Variants in ABLIM3 observed in about 807,000 individuals in gnomAD.
The protein encoded by ABLIM3 is actin binding LIM protein family member 3.
ABLIM3 carries 61 observed loss-of-function variants against 109.5 expected under a neutral mutation model. The ratio of observed to expected loss-of-function variants is 0.56; its 90% CI spans 0.45 to 0.69. ABLIM3 has a LOEUF of 0.69. Ranked by LOEUF, ABLIM3 falls within the 30% of genes least tolerant of loss-of-function variation. ABLIM3 has a pLI of 0.00. For synonymous variants in ABLIM3, 300 were observed against 324.8 expected (o/e 0.92, Z 0.82); for missense variants, 796 against 889.5 (o/e 0.89, Z 1.34).
intron 2 of ABLIM3, among the ~76,000 whole-genome samples, chr5:149,155,973 C>T (rs563097587): frequency 9.8e-5 from 15 of 152,362 alleles, no homozygotes; most frequent in Admixed American, 2.6e-4. Context: ...GCAACACATA[C>T]CTCATGCATC....
At chr5:149,173,865 C>CA (rs1159836811) in intron 2 of ABLIM3, among the ~76,000 whole-genome samples, 5 of 151,730 alleles carry the variant, frequency 3.3e-5, no homozygotes, top group Non-Finnish European at 5.9e-5. Flanking sequence ...AATAAAAATA[C>CA]AAAAAAATTA....
intron 7 of ABLIM3, among the ~76,000 whole-genome samples, chr5:149,215,409 T>A (rs1759969685): frequency 1.3e-5 from 2 of 151,994 alleles, no homozygotes; most frequent in Non-Finnish European, 1.5e-5. Flanking sequence ...TATTGGAGAT[T>A]TTTTTCTTTT....
At chr5:149,214,957 G>C (rs750897952) in intron 7 of ABLIM3, among the ~76,000 whole-genome samples, 6 of 152,246 alleles carry the variant, frequency 3.9e-5, no homozygotes, top group African/African-American at 1.4e-4. Context: ...ATTTCAGTTC[G>C]TTAATAGACA....
At chr5:149,184,621 G>T (rs569575694) in intron 3 of ABLIM3, among the ~76,000 whole-genome samples, 1 of 152,166 alleles carries the variant, frequency 6.6e-6, no homozygotes, top group Non-Finnish European at 1.5e-5. Context: ...ACAGATCACA[G>T]TTTTCAAGGT....
chr5:149,226,836 C>T (rs781041184), intron 8 of ABLIM3, among the ~76,000 whole-genome samples: 9 of 151,948 alleles, frequency 5.9e-5, no homozygotes, highest in Non-Finnish European at 8.8e-5. Context: ...TTTGGGAGGC[C>T]GAGGCGGGCA....
At chr5:149,245,392 A>G (rs181352623) in intron 16 of ABLIM3, among the ~76,000 whole-genome samples, 1 of 152,344 alleles carries the variant, frequency 6.6e-6, no homozygotes, top group East Asian at 1.9e-4. Context: ...GTAACACAGC[A>G]GAGAGTGTAG....
chr5:149,225,108 A>G (rs1761040243), intron 8 of ABLIM3, among the ~76,000 whole-genome samples: 1 of 152,216 alleles, frequency 6.6e-6, no homozygotes, highest in Non-Finnish European at 1.5e-5. Flanking sequence ...TACAGAAGCA[A>G]TTCACCTGCT....
chr5:149,160,711 C>T (rs1754277518), intron 2 of ABLIM3, among the ~76,000 whole-genome samples: 1 of 152,172 alleles, frequency 6.6e-6, no homozygotes, highest in Non-Finnish European at 1.5e-5. Flanking sequence ...AGGCTTAGGA[C>T]ATCCTGTGCT....
intron 2 of ABLIM3, among the ~76,000 whole-genome samples, chr5:149,160,118 C>T (rs940907344): frequency 2.6e-5 from 4 of 152,152 alleles, no homozygotes; most frequent in Non-Finnish European, 5.9e-5. Context: ...GCAAACAAGA[C>T]TGTTTTATTC....
intron 3 of ABLIM3, among the ~76,000 whole-genome samples, chr5:149,189,936 G>A (rs943959011): frequency 1.3e-4 from 20 of 152,258 alleles, no homozygotes; most frequent in Admixed American, 2.0e-4. Context: ...AGCATTATTC[G>A]TAATAGCCAA....
At chr5:149,215,438 C>T (rs1376827872) in intron 7 of ABLIM3, among the ~76,000 whole-genome samples, 2 of 151,666 alleles carry the variant, frequency 1.3e-5, no homozygotes, top group Non-Finnish European at 2.9e-5. Flanking sequence ...TCTGCCTTTC[C>T]CACATTCTTG....
intron 23 of ABLIM3, among the ~76,000 whole-genome samples, chr5:149,254,503 C>G (rs749680707): frequency 3.6e-4 from 55 of 152,270 alleles, no homozygotes; most frequent in Non-Finnish European, 5.9e-4. Flanking sequence ...AAATAGGAGG[C>G]TCAGCACCCC....
chr5:149,154,242 C>T (rs1300237221), intron 2 of ABLIM3, among the ~76,000 whole-genome samples: 1 of 152,232 alleles, frequency 6.6e-6, no homozygotes, highest in Non-Finnish European at 1.5e-5. Flanking sequence ...GATCCCAGCC[C>T]TGCCCGTCTG....
At chr5:149,185,022 G>A (rs1756819642) in intron 3 of ABLIM3, among the ~76,000 whole-genome samples, 1 of 152,148 alleles carries the variant, frequency 6.6e-6, no homozygotes, top group African/African-American at 2.4e-5. Flanking sequence ...TACACCCTCT[G>A]AAATTGAGGC....
chr5:149,200,018 G>A (rs1758345342), intron 4 of ABLIM3, among the ~76,000 whole-genome samples: 1 of 152,216 alleles, frequency 6.6e-6, no homozygotes, highest in South Asian at 2.1e-4. Context: ...TTCCAGAAGA[G>A]AGAACAAGTA....
Position 149,258,316 on chromosome 5 carries a change from A to G in ABLIM3, c.1964A>G (p.Tyr655Cys). 1 of 1,612,544 alleles carries G rather than the reference A, an allele frequency of 6.2e-7. No individual in the cohort carries two copies. The highest frequency in any genetic ancestry group is 8.5e-7 in the Non-Finnish European group (1 of 1,179,616). Residue 655 changes from tyrosine to cysteine, a missense_variant, in exon 24 of 24, where the codon TAC (tyrosine) becomes TGC (cysteine). Coordinates refer to ENST00000309868, the MANE Select transcript of ABLIM3 (RefSeq NM_014945.5). ...LERHLSQEEF[Y>C]QVFGMTISEF... ...CGCCACCTGTCCCAGGAAGAGTTCT[A>G]CCAAGTCTTTGGCATGACCATCTCT...
rs755926291 is a variant in ABLIM3 at position 149,198,677 on chromosome 5, T to G, written c.335+275T>G. On this transcript the variant is annotated intron_variant, in intron 4 of 23. Coordinates refer to ENST00000309868, the MANE Select transcript of ABLIM3 (RefSeq NM_014945.5). This position sits in a 1 kb window ranked among gnomAD's most constrained non-coding sequence, Gnocchi z 4.2. ...TGTACCTCTAAACTCAGCCTCCCAA[T>G]TCCTCTCAAAAGGCCCCCAAAGAAA... 6.6e-6 allele frequency among the ~76,000 whole-genome samples: 1 copy of G among 152,270 alleles called. No individual in the cohort carries two copies. The highest frequency in any genetic ancestry group is 1.9e-4 in the East Asian group (1 of 5,182).
At chr5:149,183,948 T>A (rs1318823671) in intron 3 of ABLIM3, among the ~76,000 whole-genome samples, 1 of 148,626 alleles carries the variant, frequency 6.7e-6, no homozygotes, top group Non-Finnish European at 1.5e-5. Flanking sequence ...AGATAGTTTT[T>A]TTTGTTTGTT....
At position 149,206,922 on chromosome 5, in the gene ABLIM3, G is replaced by A. The variant is rs574500997; in HGVS notation, c.449-86G>A. 195 of 1,535,514 alleles carry A rather than the reference G, an allele frequency of 1.3e-4. 3 individuals carry two copies. In the South Asian group the frequency reaches 2.3e-3, roughly 18 times the overall value. On this transcript the variant is annotated intron_variant, in intron 5 of 23. Transcript: ENST00000309868. ...CAACTATGGGAACACTGGCATTCAGGGAGGGGTTTCCTTGACGTGGGCCTG... is the reference window on the plus strand; with the variant it reads ...CAACTATGGGAACACTGGCATTCAGAGAGGGGTTTCCTTGACGTGGGCCTG...
Sources: allele counts gnomAD v4.1 joint callset (sites outside exome capture counted in the v4.1 genomes callset), GRCh38; gene constraint gnomAD v4.1.1; non-coding constraint Gnocchi (gnomAD v3.1); transcripts MANE v1.5; gene names NCBI Gene and HGNC (gene_info 2026-07-23, HGNC 2026-07-21).